Variants in MAGI1 observed in about 807,000 individuals in gnomAD.
The protein encoded by MAGI1 is membrane associated guanylate kinase, WW and PDZ domain containing 1.
MAGI1 carries 58 observed loss-of-function variants against 139.9 expected under a neutral mutation model. That is an observed-to-expected ratio of 0.41 (90% CI 0.34 to 0.52). The LOEUF is 0.52. Ranked by LOEUF, MAGI1 falls within the 20% of genes least tolerant of loss-of-function variation. The pLI is 0.12. For missense variants in MAGI1, 1,874 were observed against 1,901.6 expected (o/e 0.99, Z 0.27); for synonymous variants, 812 against 737.9 (o/e 1.10, Z -1.63).
At chr3:65,492,684 G>A (rs1194231169) in intron 3 of MAGI1, among the ~76,000 whole-genome samples, 1 of 152,160 alleles carries the variant, frequency 6.6e-6, no homozygotes, top group Non-Finnish European at 1.5e-5. Context: ...ATACGCATGT[G>A]CACACGCATG....
intron 1 of MAGI1, among the ~76,000 whole-genome samples, chr3:65,784,564 G>A (rs563999745): frequency 1.3e-5 from 2 of 152,108 alleles, no homozygotes; most frequent in South Asian, 4.1e-4. Flanking sequence ...AATTAGCTGG[G>A]CGCGGTGACG....
At chr3:66,006,133 C>T (rs2066999880) in intron 1 of MAGI1, among the ~76,000 whole-genome samples, 3 of 152,186 alleles carry the variant, frequency 2.0e-5, no homozygotes, top group Admixed American at 2.0e-4. Flanking sequence ...AGAAATCTAT[C>T]ACATTCATTT....
At chr3:65,761,373 T>A (rs145359532) in intron 1 of MAGI1, among the ~76,000 whole-genome samples, 1 of 152,314 alleles carries the variant, frequency 6.6e-6, no homozygotes, top group African/African-American at 2.4e-5. Context: ...AAATGAAGAA[T>A]ACTGTTAGAC....
chr3:66,027,998 T>C (rs957303526), intron 1 of MAGI1, among the ~76,000 whole-genome samples: 1 of 152,306 alleles, frequency 6.6e-6, no homozygotes, highest in Non-Finnish European at 1.5e-5. Flanking sequence ...CGTACCTCCA[T>C]TTCTCAGCTG....
chr3:65,695,466 G>C (rs901820850), intron 1 of MAGI1, among the ~76,000 whole-genome samples: 2 of 152,182 alleles, frequency 1.3e-5, no homozygotes, highest in East Asian at 1.9e-4. Context: ...CTTGGAACTT[G>C]TACTTGCTCC....
intron 1 of MAGI1, among the ~76,000 whole-genome samples, chr3:65,646,776 C>T (rs1386318328): frequency 6.6e-6 from 1 of 152,016 alleles, no homozygotes; most frequent in East Asian, 1.9e-4. Flanking sequence ...GCTTAGAAAT[C>T]ACACTTGTTA....
intron 1 of MAGI1, among the ~76,000 whole-genome samples, chr3:65,974,126 T>C (rs2107206581): frequency 6.6e-6 from 1 of 152,116 alleles, no homozygotes; most frequent in Admixed American, 6.6e-5. Flanking sequence ...TTTAATACTA[T>C]GAAAGTAACA....
chr3:65,792,018 C>T (rs9849415), intron 1 of MAGI1, among the ~76,000 whole-genome samples: 5,545 of 151,774 alleles, frequency 0.037, 314 homozygotes, highest in African/African-American at 0.13. Flanking sequence ...CCCAAGTCTA[C>T]GTATTTTTTT....
chr3:65,417,034 T>C (rs1429969078), intron 12 of MAGI1, among the ~76,000 whole-genome samples: 1 of 152,126 alleles, frequency 6.6e-6, no homozygotes, highest in Non-Finnish European at 1.5e-5. Flanking sequence ...ATTTTACACA[T>C]GGTAAACTCT....
intron 1 of MAGI1, among the ~76,000 whole-genome samples, chr3:65,977,060 CAATT>C (rs1337746454): frequency 6.6e-6 from 1 of 152,146 alleles, no homozygotes; most frequent in Non-Finnish European, 1.5e-5. Flanking sequence ...ACCAAAATGT[CAATT>C]AAAGCACCCT....
At chr3:65,492,677 C>T (rs1009881971) in intron 3 of MAGI1, among the ~76,000 whole-genome samples, 10 of 152,180 alleles carry the variant, frequency 6.6e-5, no homozygotes, top group Middle Eastern at 3.4e-3. Context: ...CATGTACATA[C>T]GCATGTGCAC....
chr3:66,026,565 G>T (rs2068272701), intron 1 of MAGI1, among the ~76,000 whole-genome samples: 1 of 151,142 alleles, frequency 6.6e-6, no homozygotes, highest in African/African-American at 2.4e-5. Flanking sequence ...AAATAAGGAT[G>T]TTGCCTTCAA....
intron 1 of MAGI1, among the ~76,000 whole-genome samples, chr3:65,828,347 C>CCA (rs1264505359): frequency 1.3e-5 from 2 of 152,152 alleles, no homozygotes; most frequent in African/African-American, 4.8e-5. Context: ...AAGGTCTATC[C>CCA]CACAATAAGA....
chr3:65,837,870 C>T (rs1195853044), intron 1 of MAGI1, among the ~76,000 whole-genome samples: 3 of 152,086 alleles, frequency 2.0e-5, no homozygotes, highest in African/African-American at 4.8e-5. Flanking sequence ...TTCTCAAACT[C>T]AGTTTGACCA....
chr3:65,776,590 C>A (rs1577077940), intron 1 of MAGI1, among the ~76,000 whole-genome samples: 1 of 152,124 alleles, frequency 6.6e-6, no homozygotes, highest in Non-Finnish European at 1.5e-5. Flanking sequence ...GTTTTCCAGG[C>A]AGCTGCAGGA....
intron 1 of MAGI1, among the ~76,000 whole-genome samples, chr3:65,704,736 T>C (rs1190890228): frequency 6.6e-6 from 1 of 152,002 alleles, no homozygotes; most frequent in East Asian, 1.9e-4. Context: ...GACATAAAAA[T>C]TCATTTAAAA....
chr3:65,919,778 C>T (rs1482764266), intron 1 of MAGI1, among the ~76,000 whole-genome samples: 1 of 151,954 alleles, frequency 6.6e-6, no homozygotes, highest in African/African-American at 2.4e-5. Flanking sequence ...CCATTATACA[C>T]GGCTGGAATA....
At position 65,479,648 on chromosome 3, in the gene MAGI1, T is replaced by C. The variant is rs370524437; in HGVS notation, c.551-850A>G. ...AGAAAAAAAGCAATACTTTAAAAAA[T>C]TGACTTATTTTTCACTTAAAGTTTA... On this transcript the variant is annotated intron_variant, in intron 3 of 22. Transcript: ENST00000402939. Among the ~76,000 whole-genome samples the C allele has an allele frequency of 1.8e-4, 28 of 152,302 alleles. No individual in the cohort carries two copies. The East Asian group carries it at 1.9e-3, about 10-fold the overall frequency.
At chr3:65,402,285 T>C (rs1359303302) in intron 12 of MAGI1, among the ~76,000 whole-genome samples, 2 of 152,132 alleles carry the variant, frequency 1.3e-5, no homozygotes, top group African/African-American at 4.8e-5. Flanking sequence ...AAGGTGGTCA[T>C]TGAATCCAGC....
Sources: gnomAD v4.1 joint callset for allele counts (sites outside exome capture counted in the v4.1 genomes callset) on GRCh38, gnomAD v4.1.1 for gene constraint, MANE v1.5 for transcripts, NCBI Gene and HGNC (gene_info 2026-07-23, HGNC 2026-07-21) for gene names.